The following ISM2 variants were observed in gnomAD, a reference collection of about 807,000 sequenced individuals.
ISM2 encodes isthmin-2.
ISM2 carries 50 observed loss-of-function variants against 58.0 expected under a neutral mutation model. The ratio of observed to expected loss-of-function variants is 0.86; its 90% CI spans 0.69 to 1.09. ISM2 has a LOEUF of 1.09. Among genes scored for constraint, ISM2 ranks in the 50% least tolerant of loss-of-function variants. The pLI is 0.00. For missense variants in ISM2, 723 were observed against 745.0 expected, an observed-to-expected ratio of 0.97 and a Z score of 0.34; for synonymous variants, 303 against 312.4, an observed-to-expected ratio of 0.97 and a Z score of 0.32.
intron 3 of ISM2, chr14:77,484,036 G>T: frequency 3.3e-6 from 1 of 305,662 alleles, no homozygotes; most frequent in Non-Finnish European, 6.0e-6. Context: ...CCCACTCACT[G>T]GTGCTCACAT....
chr14:77,497,737 AGGAG>A (rs1292866877), intron 1 of ISM2, among the ~76,000 whole-genome samples: 14 of 46,344 alleles, frequency 3.0e-4, no homozygotes, highest in Admixed American at 7.6e-4. Context: ...GTAGGAAGGA[AGGAG>A]GGAGGGAGGG....
At chr14:77,498,139 G>T in intron 1 of ISM2, 1 of 648,226 alleles carries the variant, frequency 1.5e-6, no homozygotes, top group Non-Finnish European at 2.3e-6. Flanking sequence ...AGGCCACGAG[G>T]ACAGAGCCAG....
In ISM2 at chr14:77,479,157, C is replaced by A. The variant is rs186468748; in HGVS notation, c.974-442G>T. On this transcript the variant is annotated intron_variant, in intron 4 of 6. Coordinates refer to ENST00000342219, the MANE Select transcript of ISM2 (RefSeq NM_199296.3). ...TCATAGCTCACTGCAGCCTTGACTTCCTGGGCTCAAGCAATCCCCCCACCT... is the reference window on the plus strand; with the variant it reads ...TCATAGCTCACTGCAGCCTTGACTTACTGGGCTCAAGCAATCCCCCCACCT... 9.3e-4 allele frequency among the ~76,000 whole-genome samples: 142 copies of A among 152,190 alleles called. 2 individuals are homozygous for A. In the East Asian group the frequency reaches 0.024, roughly 25 times the overall value.
In ISM2 at chr14:77,478,693, C is replaced by A. The variant is rs2079113627; in HGVS notation, c.996G>T (p.Trp332Cys). Residue 332 changes from tryptophan to cysteine, a missense_variant, in exon 5 of 7, where the codon TGG (tryptophan) becomes TGT (cysteine). By Grantham distance (215) the Trp-to-Cys change is radical. Coordinates refer to ENST00000342219, the MANE Select transcript of ISM2 (RefSeq NM_199296.3). Reference protein sequence around the residue: ...VSYDYEPQKEWSPWSPCSGNC... With the variant: ...VSYDYEPQKECSPWSPCSGNC... ...TCCCACTGCAGGGAGACCAGGGACT[C>A]CACTCCTTCTGAGGCTCATAGTCTG... The A allele has an allele frequency of 6.2e-7, 1 of 1,612,982 alleles. No homozygotes were observed. The highest frequency in any genetic ancestry group is 1.3e-5 in the African/African-American group (1 of 74,890).
In ISM2 at chr14:77,478,301, C is replaced by T; in HGVS notation, c.1139G>A (p.Gly380Asp). ...GAGCTTCCACTCCTCACTGGGGAGG[C>T]CCAAGGTGTCCTTGTCCTCAGTGCC... Reference protein sequence around the residue: ...CPGTEDKDTLGLPSEEWKLLA... With the variant: ...CPGTEDKDTLDLPSEEWKLLA... The change falls in exon 6 of 7, where the codon GGC becomes GAC. Residue 380 changes from glycine (G) to aspartate (D), a missense_variant. Coordinates refer to ENST00000342219, the MANE Select transcript of ISM2 (RefSeq NM_199296.3). The T allele has an allele frequency of 6.2e-7, 1 of 1,614,132 alleles. No homozygotes were observed. Among genetic ancestry groups the T allele is most frequent in the Non-Finnish European group, 8.5e-7 (1 of 1,179,962 alleles).
At chr14:77,484,151 C>T in intron 3 of ISM2, 172 bp downstream of exon 3, 1 of 773,726 alleles carries the variant, frequency 1.3e-6, no homozygotes, top group Non-Finnish European at 2.1e-6. Flanking sequence ...AGTAGAGGGG[C>T]AGGTCCTCTG....
At chr14:77,480,917 A>AAGTT (rs2079128299) in intron 4 of ISM2, among the ~76,000 whole-genome samples, 1 of 152,112 alleles carries the variant, frequency 6.6e-6, no homozygotes, top group African/African-American at 2.4e-5. Context: ...AGCCTGTCAC[A>AAGTT]AGTTAGTCTT....
chr14:77,491,591 C>T (rs2079204715), intron 1 of ISM2, among the ~76,000 whole-genome samples: 1 of 152,034 alleles, frequency 6.6e-6, no homozygotes, highest in Non-Finnish European at 1.5e-5. Flanking sequence ...AGGGTTTCAC[C>T]ATGTTGGCTA....
At chr14:77,487,465 CA>C (rs1048609144) in intron 1 of ISM2, among the ~76,000 whole-genome samples, 4 of 152,068 alleles carry the variant, frequency 2.6e-5, no homozygotes, top group African/African-American at 9.7e-5. Flanking sequence ...AGTAGGTGCT[CA>C]AAATGTTCCT....
At chr14:77,491,876 A>C (rs967603739) in intron 1 of ISM2, among the ~76,000 whole-genome samples, 4 of 151,188 alleles carry the variant, frequency 2.6e-5, no homozygotes, top group African/African-American at 9.7e-5. Context: ...TTGTATTTTT[A>C]GTAGAGACGG....
intron 1 of ISM2, among the ~76,000 whole-genome samples, chr14:77,492,034 T>C (rs1451328777): frequency 1.3e-5 from 2 of 149,618 alleles, no homozygotes; most frequent in Non-Finnish European, 3.0e-5. Context: ...AGAGTCTCAC[T>C]CTGTAGTCCA....
chr14:77,478,189 C>A (rs1468205561), intron 6 of ISM2, 53 bp downstream of exon 6: 5 of 1,440,122 alleles, frequency 3.5e-6, no homozygotes, highest in Non-Finnish European at 4.9e-6. Context: ...CCCCACCCTC[C>A]CCTGAGAGCT....
chr14:77,498,004 C>G (rs532358263), intron 1 of ISM2, among the ~76,000 whole-genome samples: 154 of 152,290 alleles, frequency 1.0e-3, no homozygotes, highest in African/African-American at 3.5e-3. Context: ...TTCCAGGGGG[C>G]AATAAGCTGG....
In ISM2 at chr14:77,484,828, T is replaced by C. The variant is rs551727152; in HGVS notation, c.233A>G (p.His78Arg). 2 of 1,610,262 alleles carry C rather than the reference T, an allele frequency of 1.2e-6. No individual in the cohort carries two copies. Among genetic ancestry groups the C allele is most frequent in the African/African-American group, 1.3e-5 (1 of 74,212 alleles). Residue 78 changes from histidine to arginine, a missense_variant, in exon 2 of 7, where the codon CAT becomes CGT. Physicochemically the swap from His to Arg is conservative, Grantham distance 29 (BLOSUM62 0). Transcript: ENST00000342219. The stretch of plus-strand genomic sequence containing the variant: ...TGGCTCAGTGACAGTCCAGCATCCA[T>C]GTTGGTGTGGCTCTGCCTGCAGGTG... ...RTHLQAEPHQ[H>R]GCWTVTEPAA...
chr14:77,494,334 T>G (rs1305801868), intron 1 of ISM2, among the ~76,000 whole-genome samples: 2 of 152,164 alleles, frequency 1.3e-5, no homozygotes, highest in African/African-American at 2.4e-5. Context: ...ATTCAGGGGT[T>G]TGATGTTCTT....
chr14:77,498,775 G>C lies in ISM2; in HGVS notation c.19C>G (p.Arg7Gly). 6.9e-7 allele frequency: 1 copy of C among 1,458,000 alleles called. No homozygotes were observed. 90.3% of individuals were successfully genotyped at this position (1,458,000 alleles called of 1,614,324 possible). A position where few individuals can be genotyped will look rare whatever the true frequency, so the allele number is the denominator to read the frequency against. Residue 7 changes from arginine (R) to glycine (G), a missense_variant, in exon 1 of 7, where the codon CGA becomes GGA. Arg to Gly is a moderately radical substitution (Grantham distance 125). Coordinates refer to ENST00000342219, the MANE Select transcript of ISM2 (RefSeq NM_199296.3). Reference protein sequence around the residue: MRALRDRAGLLLCVLLL... With the variant: MRALRDGAGLLLCVLLL... ...AGCACGCAGAGGAGGAGCCCGGCTC[G>C]GTCGCGGAGCGCACGCATCGTCTCG...
chr14:77,496,793 T>C (rs939719592), intron 1 of ISM2, among the ~76,000 whole-genome samples: 2 of 72,294 alleles, frequency 2.8e-5, no homozygotes, highest in African/African-American at 1.3e-4. Context: ...TGAGACTCCA[T>C]CTCAGGAAAA....
At chr14:77,491,886 G>A (rs2079207640) in intron 1 of ISM2, among the ~76,000 whole-genome samples, 1 of 151,730 alleles carries the variant, frequency 6.6e-6, no homozygotes, top group Admixed American at 6.6e-5. Flanking sequence ...AGTAGAGACG[G>A]GGTTTCACCA....
At chr14:77,479,964 T>A (rs2079121787) in intron 4 of ISM2, among the ~76,000 whole-genome samples, 2 of 152,182 alleles carry the variant, frequency 1.3e-5, no homozygotes, top group South Asian at 2.1e-4. Context: ...TGGCCTGAGC[T>A]ATAGTTTCTA....
Sources: gnomAD v4.1 joint callset for allele counts (sites outside exome capture counted in the v4.1 genomes callset) on GRCh38, gnomAD v4.1.1 for gene constraint, MANE v1.5 for transcripts, NCBI Gene and HGNC (gene_info 2026-07-23, HGNC 2026-07-21) for gene names.